The following NPFFR2 variants were observed in gnomAD, a reference collection of about 807,000 sequenced individuals.
The protein encoded by NPFFR2 is neuropeptide FF receptor 2.
Under a neutral mutation model 13.1 loss-of-function variants are expected in NPFFR2, and 15 were observed. The ratio of observed to expected loss-of-function variants is 1.15; its 90% CI spans 0.77 to 1.76. NPFFR2 has a LOEUF of 1.76. NPFFR2 is among the 40% of genes most tolerant of loss of function. The probability of loss-of-function intolerance (pLI) is 0.00; values close to 1 mark genes in which losing one functional copy is unlikely to be tolerated. For synonymous variants in NPFFR2, 190 were observed against 175.7 expected (o/e 1.08, Z -0.65); for missense variants, 572 against 503.5 (o/e 1.14, Z -1.30).
intron 1 of NPFFR2, among the ~76,000 whole-genome samples, chr4:72,054,775 T>G (rs1187974518): frequency 6.6e-6 from 1 of 151,870 alleles, no homozygotes; most frequent in East Asian, 1.9e-4. Context: ...TAAACAATTC[T>G]TATAACTCAA....
At chr4:72,081,286 G>A (rs1367852267) in intron 1 of NPFFR2, among the ~76,000 whole-genome samples, 4 of 152,090 alleles carry the variant, frequency 2.6e-5, no homozygotes, top group African/African-American at 7.2e-5. Context: ...GAATTGAGTA[G>A]TTGTGACAGA....
At chr4:72,069,306 TATATC>T (rs1720173657) in intron 1 of NPFFR2, among the ~76,000 whole-genome samples, 1 of 152,130 alleles carries the variant, frequency 6.6e-6, no homozygotes, top group African/African-American at 2.4e-5. Flanking sequence ...ATTATCAAAT[TATATC>T]ATTATGTAAA....
intron 1 of NPFFR2, among the ~76,000 whole-genome samples, chr4:72,045,704 A>G (rs930633624): frequency 1.3e-5 from 2 of 149,532 alleles, no homozygotes; most frequent in African/African-American, 4.9e-5. Flanking sequence ...ATTTTGTAAT[A>G]AAGTTTGAAT....
intron 1 of NPFFR2, among the ~76,000 whole-genome samples, chr4:72,043,104 G>A (rs72651439): frequency 0.27 from 41,296 of 152,038 alleles, 5,919 homozygotes; most frequent in Middle Eastern, 0.37. Context: ...TGTACATTTC[G>A]GGCCATTGCA....
intron 1 of NPFFR2, among the ~76,000 whole-genome samples, chr4:72,086,405 G>A (rs550568157): frequency 6.6e-6 from 1 of 152,146 alleles, no homozygotes; most frequent in African/African-American, 2.4e-5. Context: ...CTCACTGTAA[G>A]CAGGCTACGT....
intron 1 of NPFFR2, among the ~76,000 whole-genome samples, chr4:72,106,146 G>A (rs1446582866): frequency 6.6e-6 from 1 of 152,020 alleles, no homozygotes; most frequent in Non-Finnish European, 1.5e-5. Context: ...AAGGAGATGT[G>A]CAAAGAGTTT....
At chr4:72,130,970 TG>T (rs1722220790) in intron 2 of NPFFR2, among the ~76,000 whole-genome samples, 1 of 152,144 alleles carries the variant, frequency 6.6e-6, no homozygotes, top group South Asian at 2.1e-4. Flanking sequence ...GATAGAGAGC[TG>T]GAACGGGGAT....
intron 1 of NPFFR2, among the ~76,000 whole-genome samples, chr4:72,102,637 G>GT (rs1721288479): frequency 6.8e-6 from 1 of 146,160 alleles, no homozygotes; most frequent in Admixed American, 7.2e-5. Context: ...TTGTTTTTTT[G>GT]TCCTTGCGAT....
Position 72,041,353 on chromosome 4 carries a change from A to G in NPFFR2, c.-8+9153A>G, listed in dbSNP as rs188487894. ...CTGTTCTTTTTTATAACTGCATAGT[A>G]TTACATGGTGTATATGTATCATATT... On this transcript the variant is annotated intron_variant, in intron 1 of 3. Coordinates refer to ENST00000308744, the MANE Select transcript of NPFFR2 (RefSeq NM_004885.3). Among the ~76,000 whole-genome samples, 10 of 152,350 alleles carry G rather than the reference A, an allele frequency of 6.6e-5. No homozygotes were observed. The East Asian group carries it at 1.9e-3, about 29-fold the overall frequency.
rs576912907 is a variant in NPFFR2, at chr4:72,117,932, A to C, written c.-7-10653A>C. On this transcript the variant is annotated intron_variant, in intron 1 of 3. Coordinates refer to ENST00000308744, the MANE Select transcript of NPFFR2 (RefSeq NM_004885.3). ...TTCTGGTAGCACTAGCCCTAAACACAATATGAGTAAGGTAACAAAAAAGTA... is the reference window on the plus strand; with the variant it reads ...TTCTGGTAGCACTAGCCCTAAACACCATATGAGTAAGGTAACAAAAAAGTA... 9.5e-4 allele frequency among the ~76,000 whole-genome samples: 144 copies of C among 152,320 alleles called. 1 individual carries two copies. The highest frequency in any genetic ancestry group is 3.1e-3 in the Admixed American group (48 of 15,300).
intron 1 of NPFFR2, among the ~76,000 whole-genome samples, chr4:72,073,244 G>A (rs1186943716): frequency 6.6e-6 from 1 of 151,978 alleles, no homozygotes; most frequent in Admixed American, 6.6e-5. Context: ...TTTAGGGAAT[G>A]GATACCCCAT....
rs546578133 is a variant in NPFFR2 at position 72,110,731 on chromosome 4, T to A, written c.-7-17854T>A. 1.2e-3 allele frequency among the ~76,000 whole-genome samples: 189 copies of A among 152,132 alleles called. 4 individuals are homozygous for A. The South Asian group carries it at 0.026, about 21-fold the overall frequency. Reference sequence around the variant, plus strand: ...AGAGGTCTTCACTGAACTCTTTCATTTCTGCAGATAGCTCTAGTCTGTGTA... The same window carrying A: ...AGAGGTCTTCACTGAACTCTTTCATATCTGCAGATAGCTCTAGTCTGTGTA... On this transcript the variant is annotated intron_variant, in intron 1 of 3. Coordinates refer to ENST00000308744, the MANE Select transcript of NPFFR2 (RefSeq NM_004885.3).
At chr4:72,100,082 G>C (rs1264165416) in intron 1 of NPFFR2, among the ~76,000 whole-genome samples, 1 of 152,074 alleles carries the variant, frequency 6.6e-6, no homozygotes, top group Non-Finnish European at 1.5e-5. Flanking sequence ...TTATTATGCT[G>C]CTACTCAGTG....
rs548048198 is a variant in NPFFR2 at position 72,142,095 on chromosome 4, T to G, written c.428+3956T>G. 2.0e-5 allele frequency among the ~76,000 whole-genome samples: 3 copies of G among 152,312 alleles called. No homozygotes were observed. The South Asian group carries it at 6.2e-4, about 32-fold the overall frequency. On this transcript the variant is annotated intron_variant, in intron 3 of 3. Coordinates refer to ENST00000308744, the MANE Select transcript of NPFFR2 (RefSeq NM_004885.3). ...TAGGGTTGCAACCCCTGCCTTTTTT[T>G]GCTTTCCATTTACTTGGTAGATCTT...
intron 1 of NPFFR2, among the ~76,000 whole-genome samples, chr4:72,104,150 C>T (rs1326986800): frequency 2.6e-5 from 4 of 152,018 alleles, no homozygotes; most frequent in African/African-American, 7.2e-5. Context: ...TGTGATCCCT[C>T]AGCCATATTT....
intron 1 of NPFFR2, among the ~76,000 whole-genome samples, chr4:72,098,903 G>C (rs1721147196): frequency 6.6e-6 from 1 of 152,262 alleles, no homozygotes; most frequent in South Asian, 2.1e-4. Flanking sequence ...CTATTACTCT[G>C]TATTGGTTCA....
chr4:72,128,656 C>A lies in NPFFR2; in HGVS notation c.65C>A (p.Thr22Lys). 1 of 1,613,796 alleles carries A rather than the reference C, an allele frequency of 6.2e-7. No homozygotes were observed. Among genetic ancestry groups the A allele is most frequent in the Non-Finnish European group, 8.5e-7 (1 of 1,179,702 alleles). The change falls in exon 2 of 4, where the codon ACA (threonine) becomes AAA (lysine). Residue 22 changes from threonine to lysine, a missense_variant. Physicochemically the swap from Thr to Lys is moderately conservative, Grantham distance 78. Transcript: ENST00000308744. Reference sequence around the variant, plus strand: ...CATCCCATCTGGAATGTCAATGACACAAAGCATCATCTGTACTCAGATATT... The same window carrying A: ...CATCCCATCTGGAATGTCAATGACAAAAAGCATCATCTGTACTCAGATATT... ...NWHPIWNVNDTKHHLYSDINI... is the reference protein window; with the variant it reads ...NWHPIWNVNDKKHHLYSDINI...
At chr4:72,038,901 C>T (rs1255971877) in intron 1 of NPFFR2, among the ~76,000 whole-genome samples, 9 of 86,958 alleles carry the variant, frequency 1.0e-4, no homozygotes, top group South Asian at 4.7e-4. Flanking sequence ...TTTAAATTTC[C>T]TTTCTTTTTT....
At chr4:72,136,021 T>C (rs570981461) in intron 2 of NPFFR2, among the ~76,000 whole-genome samples, 11 of 152,270 alleles carry the variant, frequency 7.2e-5, no homozygotes, top group African/African-American at 2.6e-4. Flanking sequence ...AAATATACAA[T>C]AAATTATTCT....
Sources: gnomAD v4.1 joint callset for allele counts (sites outside exome capture counted in the v4.1 genomes callset) on GRCh38, gnomAD v4.1.1 for gene constraint, MANE v1.5 for transcripts, NCBI Gene and HGNC (gene_info 2026-07-23, HGNC 2026-07-21) for gene names.